Variants in MAP4K4 observed in about 807,000 individuals in gnomAD.
The protein encoded by MAP4K4 is HPK/GCK-like kinase HGK.
Under a neutral mutation model 189.6 loss-of-function variants are expected in MAP4K4, and 38 were observed. The ratio of observed to expected loss-of-function variants is 0.20; its 90% confidence interval spans 0.15 to 0.26. The LOEUF (loss-of-function observed/expected upper bound fraction) is 0.26, where lower values mean the gene tolerates loss of function less well. Ranked by LOEUF, MAP4K4 falls within the 10% of genes least tolerant of loss-of-function variation. The pLI is 1.00. For missense variants in MAP4K4, 1,054 were observed against 1,726.9 expected, an observed-to-expected ratio of 0.61 and a Z score of 6.91; for synonymous variants, 610 against 624.3, an observed-to-expected ratio of 0.98 and a Z score of 0.34.
intron 2 of MAP4K4, among the ~76,000 whole-genome samples, chr2:101,707,850 C>T (rs970566233): frequency 2.7e-5 from 3 of 109,422 alleles, no homozygotes; most frequent in Admixed American, 1.1e-4. Flanking sequence ...GCCACCACGC[C>T]TGGCTAATTT....
chr2:101,728,864 C>G (rs2056932386), intron 2 of MAP4K4, among the ~76,000 whole-genome samples: 1 of 152,168 alleles, frequency 6.6e-6, no homozygotes, highest in African/African-American at 2.4e-5. Flanking sequence ...GAGACTAGCT[C>G]TAGCTGCTCC....
intron 2 of MAP4K4, among the ~76,000 whole-genome samples, chr2:101,701,795 G>A (rs944406518): frequency 1.1e-4 from 17 of 152,316 alleles, no homozygotes; most frequent in Admixed American, 7.2e-4. Flanking sequence ...GGTATGATCA[G>A]TGAGGAGAAT....
chr2:101,821,179 T>G (rs2096032733), intron 3 of MAP4K4, among the ~76,000 whole-genome samples: 1 of 152,200 alleles, frequency 6.6e-6, no homozygotes, highest in Non-Finnish European at 1.5e-5. Flanking sequence ...CTTTCCTATA[T>G]GCAGGGTTTG....
At chr2:101,877,167 C>G (rs1463261623) in intron 27 of MAP4K4, 21 bp downstream of exon 27, 2 of 1,612,784 alleles carry the variant, frequency 1.2e-6, no homozygotes, top group East Asian at 2.2e-5. Context: ...GTTTTGTAAA[C>G]CAGAATATGT....
chr2:101,793,921 C>T (rs778764538), intron 3 of MAP4K4, among the ~76,000 whole-genome samples: 6 of 152,102 alleles, frequency 3.9e-5, no homozygotes, highest in Non-Finnish European at 7.4e-5. Context: ...ATTTCATCCT[C>T]GGGTGAGGTG....
At chr2:101,814,328 T>C (rs964271112) in intron 3 of MAP4K4, among the ~76,000 whole-genome samples, 1 of 152,334 alleles carries the variant, frequency 6.6e-6, no homozygotes, top group South Asian at 2.1e-4. Context: ...GTGACACTTA[T>C]TCATGGTCTT....
intron 2 of MAP4K4, among the ~76,000 whole-genome samples, chr2:101,758,421 T>G (rs1334970220): frequency 6.6e-6 from 1 of 152,198 alleles, no homozygotes; most frequent in Non-Finnish European, 1.5e-5. Context: ...TCCACTTAGA[T>G]ATACTCGGAT....
chr2:101,867,274 G>C, exon 20 of MAP4K4: 1 of 1,607,738 alleles, frequency 6.2e-7, no homozygotes, highest in Non-Finnish European at 8.5e-7. Flanking sequence ...AAAACCTGAA[G>C]ATAAAAAGGA....
chr2:101,839,232 G>A (rs1007977804), intron 9 of MAP4K4, among the ~76,000 whole-genome samples: 14 of 152,200 alleles, frequency 9.2e-5, no homozygotes, highest in Admixed American at 8.5e-4. Flanking sequence ...GGCAAATGTA[G>A]GTGACAGATT....
intron 26 of MAP4K4, among the ~76,000 whole-genome samples, chr2:101,875,205 T>C (rs983076024): frequency 6.6e-6 from 1 of 152,224 alleles, no homozygotes; most frequent in Non-Finnish European, 1.5e-5. Context: ...CCTAGATATA[T>C]GCAGGGAAAC....
chr2:101,720,902 G>C (rs921218587), intron 2 of MAP4K4, among the ~76,000 whole-genome samples: 1 of 152,092 alleles, frequency 6.6e-6, no homozygotes, highest in Non-Finnish European at 1.5e-5. Context: ...GTTGCATCAG[G>C]TCAGTCTTTA....
At chr2:101,738,424 A>T (rs75961602) in intron 2 of MAP4K4, among the ~76,000 whole-genome samples, 1,632 of 152,266 alleles carry the variant, frequency 0.011, 37 homozygotes, top group African/African-American at 0.037. Flanking sequence ...GCAGATTTTT[A>T]AAAAAAGCAG....
chr2:101,797,222 G>A (rs1183564199), intron 3 of MAP4K4: 1 of 1,288,148 alleles, frequency 7.8e-7, no homozygotes, highest in Non-Finnish European at 1.0e-6. Flanking sequence ...GTGGCCTGTG[G>A]GACCTATTGT....
At chr2:101,774,406 T>G (rs2082956436) in intron 2 of MAP4K4, among the ~76,000 whole-genome samples, 1 of 152,182 alleles carries the variant, frequency 6.6e-6, no homozygotes, top group African/African-American at 2.4e-5. Flanking sequence ...AAAATCAGAT[T>G]ATTAGATTTT....
intron 6 of MAP4K4, 29 bp from the exon 7 acceptor site, chr2:101,831,692 C>G: frequency 1.9e-6 from 3 of 1,571,016 alleles, no homozygotes; most frequent in African/African-American, 1.4e-5. Context: ...GTTTATCTTT[C>G]TTTATCTGCC....
At chr2:101,750,404 G>A (rs977351946) in intron 2 of MAP4K4, among the ~76,000 whole-genome samples, 6 of 143,992 alleles carry the variant, frequency 4.2e-5, no homozygotes, top group Non-Finnish European at 9.0e-5. Context: ...GTAAACTATC[G>A]CAAGAACAAA....
intron 2 of MAP4K4, among the ~76,000 whole-genome samples, chr2:101,719,337 A>G (rs1471007273): frequency 6.6e-6 from 1 of 152,208 alleles, no homozygotes; most frequent in Non-Finnish European, 1.5e-5. Flanking sequence ...TTCCTGAACA[A>G]AAGTAAGTGT....
intron 3 of MAP4K4, among the ~76,000 whole-genome samples, chr2:101,806,707 G>A (rs2094973755): frequency 6.6e-6 from 1 of 152,182 alleles, no homozygotes; most frequent in African/African-American, 2.4e-5. Context: ...TGTGCCCGGT[G>A]AACTCACTTT....
intron 2 of MAP4K4, among the ~76,000 whole-genome samples, chr2:101,768,085 CTTA>C (rs2150304050): frequency 6.6e-6 from 1 of 152,226 alleles, no homozygotes; most frequent in South Asian, 2.1e-4. Flanking sequence ...TTACACATGG[CTTA>C]TTAGCTGCAG....
Sources: allele counts gnomAD v4.1 joint callset (sites outside exome capture counted in the v4.1 genomes callset), GRCh38; gene constraint gnomAD v4.1.1; transcripts MANE v1.5; gene names NCBI Gene and HGNC (gene_info 2026-07-23, HGNC 2026-07-21).